The following PKIB variants were observed in gnomAD, a reference collection of about 807,000 sequenced individuals.
PKIB encodes cAMP-dependent protein kinase inhibitor beta.
In PKIB, 2 loss-of-function variants were observed where a neutral mutation model predicts 4.5. The observed-to-expected ratio is 0.44, with a 90% CI of 0.18 to 1.39. The LOEUF (loss-of-function observed/expected upper bound fraction) is 1.39. Among genes scored for constraint, PKIB ranks in the 40% most tolerant of loss-of-function variants. The pLI, the probability that PKIB is intolerant of heterozygous loss-of-function variation, is 0.27. For missense variants in PKIB, 94 were observed against 92.6 expected, an observed-to-expected ratio of 1.02 and a Z score of -0.06; for synonymous variants, 38 against 36.0, an observed-to-expected ratio of 1.06 and a Z score of -0.20.
intron 2 of PKIB, among the ~76,000 whole-genome samples, chr6:122,492,019 C>T (rs1334596008): frequency 6.6e-6 from 1 of 152,120 alleles, no homozygotes; most frequent in African/African-American, 2.4e-5. Context: ...GGATTAGTTA[C>T]GCAGATATTT....
intron 2 of PKIB, among the ~76,000 whole-genome samples, chr6:122,572,075 T>C (rs1303540793): frequency 6.6e-6 from 1 of 151,980 alleles, no homozygotes. Flanking sequence ...AACTGACACA[T>C]AAACTCATGG....
At chr6:122,564,329 T>C (rs1301304860) in intron 2 of PKIB, among the ~76,000 whole-genome samples, 1 of 152,194 alleles carries the variant, frequency 6.6e-6, no homozygotes, top group African/African-American at 2.4e-5. Flanking sequence ...TGTCCGGAGC[T>C]GCACTCTAGT....
At chr6:122,665,496 C>A (rs1479977693) in intron 2 of PKIB, among the ~76,000 whole-genome samples, 1 of 152,086 alleles carries the variant, frequency 6.6e-6, no homozygotes, top group Admixed American at 6.6e-5. Flanking sequence ...TAATGCATTT[C>A]TCTGCTGTGT....
At chr6:122,716,475 C>T (rs1173683318) in intron 3 of PKIB, among the ~76,000 whole-genome samples, 3 of 152,134 alleles carry the variant, frequency 2.0e-5, no homozygotes, top group Admixed American at 2.0e-4. Flanking sequence ...TATCTCAAAA[C>T]ATAGCTCTGT....
intron 3 of PKIB, among the ~76,000 whole-genome samples, chr6:122,715,408 G>A (rs919669383): frequency 6.6e-6 from 1 of 151,982 alleles, no homozygotes; most frequent in Non-Finnish European, 1.5e-5. Context: ...GATGTGAAGT[G>A]AATTGGTGGA....
At chr6:122,655,685 G>C (rs1030528416) in intron 2 of PKIB, among the ~76,000 whole-genome samples, 5 of 152,202 alleles carry the variant, frequency 3.3e-5, no homozygotes, top group Non-Finnish European at 7.4e-5. Flanking sequence ...ATAAATAAAA[G>C]TACACATATA....
intron 3 of PKIB, chr6:122,701,565 A>G: frequency 1.3e-6 from 2 of 1,538,352 alleles, no homozygotes; most frequent in Admixed American, 1.9e-5. Flanking sequence ...AGATGGCATA[A>G]CAGTGCCACA....
intron 1 of PKIB, among the ~76,000 whole-genome samples, chr6:122,616,331 A>G (rs572773779): frequency 6.6e-6 from 1 of 152,282 alleles, no homozygotes; most frequent in Non-Finnish European, 1.5e-5. Flanking sequence ...TGACAAGTAG[A>G]AAGCAAGAGT....
intron 3 of PKIB, among the ~76,000 whole-genome samples, chr6:122,702,457 G>T (rs773519225): frequency 1.3e-5 from 2 of 149,892 alleles, no homozygotes; most frequent in African/African-American, 2.5e-5. Context: ...ACGCTCCTTA[G>T]TGTCTGGGAT....
At chr6:122,674,919 T>A (rs1041458145) in intron 2 of PKIB, among the ~76,000 whole-genome samples, 159 bp from the exon 3 acceptor site, 1 of 152,210 alleles carries the variant, frequency 6.6e-6, no homozygotes, top group African/African-American at 2.4e-5. Context: ...GAAAATTTTA[T>A]GTTTGAATTA....
At chr6:122,496,646 T>G (rs746402601) in intron 2 of PKIB, among the ~76,000 whole-genome samples, 2 of 152,164 alleles carry the variant, frequency 1.3e-5, no homozygotes, top group Non-Finnish European at 2.9e-5. Context: ...GCTTGAAAAC[T>G]ATTCTTTTAA....
At chr6:122,554,272 A>G (rs987331541) in intron 2 of PKIB, among the ~76,000 whole-genome samples, 3 of 152,250 alleles carry the variant, frequency 2.0e-5, no homozygotes, top group African/African-American at 7.2e-5. Flanking sequence ...AATTCCACCT[A>G]TAAAGCAAAG....
At chr6:122,643,350 C>T (rs1220307646) in intron 2 of PKIB, 3 of 152,246 alleles carry the variant, frequency 2.0e-5, no homozygotes, top group South Asian at 2.1e-4. Flanking sequence ...TTCTCCAAAA[C>T]GTTTTGCACA....
chr6:122,614,406 T>G (rs1774898734), intron 1 of PKIB, among the ~76,000 whole-genome samples: 1 of 152,212 alleles, frequency 6.6e-6, no homozygotes, highest in Admixed American at 6.5e-5. Flanking sequence ...TGGAGCTGGA[T>G]TCCTTCCTGT....
intron 1 of PKIB, among the ~76,000 whole-genome samples, chr6:122,615,243 T>C (rs1774934884): frequency 6.6e-6 from 1 of 152,172 alleles, no homozygotes; most frequent in Non-Finnish European, 1.5e-5. Context: ...CATGAAGCTG[T>C]GCATATGTAT....
chr6:122,637,225 G>C (rs1196872547), intron 2 of PKIB, among the ~76,000 whole-genome samples: 2 of 152,146 alleles, frequency 1.3e-5, no homozygotes, highest in Non-Finnish European at 2.9e-5. Context: ...AAACAGAGAA[G>C]AGACTCAAAT....
At position 122,472,366 on chromosome 6, in the gene PKIB, T is replaced by A. The variant is rs547183442; in HGVS notation, c.-337+325T>A. 4.7e-4 allele frequency among the ~76,000 whole-genome samples: 72 copies of A among 152,382 alleles called. 3 individuals carry two copies. In the South Asian group the frequency reaches 0.015, roughly 31 times the overall value. ...TTCTGTTTGCTATTGACTTATATTT[T>A]AATTTCTTATGCTATTAAGATGTTA... On this transcript the variant is annotated intron_variant, in intron 1 of 6. Transcript: ENST00000392491.
chr6:122,622,753 C>T (rs1016922110), intron 1 of PKIB, among the ~76,000 whole-genome samples: 4 of 148,900 alleles, frequency 2.7e-5, no homozygotes, highest in African/African-American at 9.7e-5. Context: ...GGCAGGGTGC[C>T]AAACATCCCC....
chr6:122,618,315 AC>A (rs1775076400), intron 1 of PKIB, among the ~76,000 whole-genome samples: 1 of 152,146 alleles, frequency 6.6e-6, no homozygotes, highest in Non-Finnish European at 1.5e-5. Context: ...ACATGAAAAT[AC>A]CCTCAAACAT....
Sources: gnomAD v4.1 joint callset for allele counts (sites outside exome capture counted in the v4.1 genomes callset) on GRCh38, gnomAD v4.1.1 for gene constraint, MANE v1.5 for transcripts, NCBI Gene and HGNC (gene_info 2026-07-23, HGNC 2026-07-21) for gene names.